Variants in SOX13 observed in about 807,000 individuals in gnomAD.
SOX13 encodes transcription factor SOX-13.
A neutral mutation model predicts 71.8 loss-of-function variants in SOX13; 28 were observed. That is an observed-to-expected ratio of 0.39 (90% CI 0.29 to 0.53). SOX13 has a LOEUF of 0.53. Among genes scored for constraint, SOX13 ranks in the 20% least tolerant of loss-of-function variants. The pLI is 0.70. For missense variants in SOX13, 627 were observed against 810.3 expected, an observed-to-expected ratio of 0.77 and a Z score of 2.75; for synonymous variants, 309 against 317.8, an observed-to-expected ratio of 0.97 and a Z score of 0.29.
At position 204,081,571 on chromosome 1, in the gene SOX13, TG is replaced by T. The variant is rs1353780218; in HGVS notation, c.-2+7861del. Among the ~76,000 whole-genome samples the T allele has an allele frequency of 4.6e-5, 7 of 152,184 alleles. No individual in the cohort carries two copies. The highest frequency in any genetic ancestry group is 1.0e-4 in the Non-Finnish European group (7 of 68,038). ...GTTGCCTGGGACTCATGGGGCCTCC[TG>T]CTTTGGCCCTGGCGCCTAGGAAAGG... On this transcript the variant is annotated intron_variant, in intron 1 of 13. Transcript: ENST00000367204. This position sits in a 1 kb window ranked among gnomAD's most constrained non-coding sequence, Gnocchi z 4.3.
Position 204,073,383 on chromosome 1 carries a change from C to CA in SOX13, c.-330_-329insA, listed in dbSNP as rs565540540. 4.0e-4 allele frequency: 61 copies of CA among 152,458 alleles called. No homozygotes were observed. The East Asian group carries it at 0.012, about 29-fold the overall frequency. The allele number at this position is 152,458 out of a possible 1,614,324, so 9.4% of individuals were successfully genotyped here. A position where few individuals can be genotyped will look rare whatever the true frequency, so the allele number is the denominator to read the frequency against. On this transcript the variant is annotated 5_prime_UTR_variant, in exon 1 of 14. Coordinates refer to ENST00000367204, the MANE Select transcript of SOX13 (RefSeq NM_005686.3). This position sits in a 1 kb window ranked among gnomAD's most constrained non-coding sequence, Gnocchi z 6.8. ...AGCAGGACCGCGGAAGGCAGGGAGA[C>CA]GGCCGCAAGCCCAGGGCAGAGGGCA...
chr1:204,081,733 A>T lies in SOX13; in HGVS notation c.-2+8022A>T, dbSNP rs571367483. ...AGGAGGGTTTTCTGTCTTAGCCCTCAGCCTGTGTGGGGTATGAGGTCCCCC... is the reference window on the plus strand; with the variant it reads ...AGGAGGGTTTTCTGTCTTAGCCCTCTGCCTGTGTGGGGTATGAGGTCCCCC... On this transcript the variant is annotated intron_variant, in intron 1 of 13. Coordinates refer to ENST00000367204, the MANE Select transcript of SOX13 (RefSeq NM_005686.3). The surrounding 1 kb of genome is among the most constrained non-coding windows in gnomAD (Gnocchi z 4.3). Among the ~76,000 whole-genome samples the T allele has an allele frequency of 1.3e-5, 2 of 152,292 alleles. No homozygotes were observed. Among genetic ancestry groups the T allele is most frequent in the African/African-American group, 4.8e-5 (2 of 41,560 alleles).
intron 7 of SOX13, chr1:204,119,964 C>G (rs1045498889): frequency 4.6e-5 from 7 of 152,188 alleles, no homozygotes; most frequent in African/African-American, 1.7e-4. Context: ...TGTGTCTGTA[C>G]CACTGCACAC....
chr1:204,123,027 C>T lies in SOX13; in HGVS notation c.1134+64C>T. 6.7e-7 allele frequency: 1 copy of T among 1,498,422 alleles called. No homozygotes were observed. The highest frequency in any genetic ancestry group is 9.3e-7 in the Non-Finnish European group (1 of 1,080,054). The allele number at this position is 1,498,422 out of a possible 1,614,324, so 92.8% of individuals were successfully genotyped here. On this transcript the variant is annotated intron_variant, in intron 10 of 13. Transcript: ENST00000367204. This position sits in a 1 kb window ranked among gnomAD's most constrained non-coding sequence, Gnocchi z 5.0. ...AGATGGTGGCCAGGAGTGGAAGACA[C>T]AGTCTGAGGCCACCAAGAGAGGAGC...
chr1:204,109,793 G>A (rs931598411), intron 1 of SOX13, among the ~76,000 whole-genome samples: 5 of 151,964 alleles, frequency 3.3e-5, no homozygotes, highest in African/African-American at 9.7e-5. Flanking sequence ...ACATCCTCCC[G>A]TATACCTTGT....
At chr1:204,080,047 G>C (rs144894040) in intron 1 of SOX13, among the ~76,000 whole-genome samples, 51 of 152,214 alleles carry the variant, frequency 3.4e-4, no homozygotes, top group Non-Finnish European at 6.9e-4. Flanking sequence ...GGTGTTTTTT[G>C]GGGGAGCGGA....
At chr1:204,090,408 CTTTTT>C (rs67694415) in intron 1 of SOX13, among the ~76,000 whole-genome samples, 5 of 118,554 alleles carry the variant, frequency 4.2e-5, no homozygotes, top group African/African-American at 3.2e-5. Context: ...TCTTCTTCTT[CTTTTT>C]TTTTTTTTTT....
chr1:204,082,087 A>T (rs1030294920), intron 1 of SOX13, among the ~76,000 whole-genome samples: 1 of 104,626 alleles, frequency 9.6e-6, no homozygotes, highest in African/African-American at 3.9e-5. Context: ...TGTGGGGGGG[A>T]GGGAAGCTGA....
In SOX13 at chr1:204,123,798, A is replaced by G. The variant is rs767627812; in HGVS notation, c.1369A>G (p.Ile457Val). 4.1e-5 allele frequency: 66 copies of G among 1,613,992 alleles called. No individual in the cohort carries two copies. Among genetic ancestry groups the G allele is most frequent in the Non-Finnish European group, 5.4e-5 (64 of 1,180,008 alleles). The stretch of plus-strand genomic sequence containing the variant: ...CATGCACAACTCCAGCATCAGCAAG[A>G]TCCTTGGTAAGGGCCAGTGGCTGGG... ...PDMHNSSISK[I>V]LGSRWKSMTN... The change falls in exon 12 of 14, where the codon ATC (isoleucine) becomes GTC (valine). Residue 457 changes from isoleucine to valine, a missense_variant. By Grantham distance (29) the Ile-to-Val change is conservative. Transcript: ENST00000367204. The surrounding 1 kb of genome is among the most constrained non-coding windows in gnomAD (Gnocchi z 5.0).
intron 1 of SOX13, among the ~76,000 whole-genome samples, chr1:204,095,108 G>A (rs1217672007): frequency 3.3e-5 from 5 of 152,150 alleles, no homozygotes; most frequent in South Asian, 2.1e-4. Context: ...CTCCTTCCAC[G>A]GCCCTGAGCC....
At chr1:204,079,890 C>T (rs893229141) in intron 1 of SOX13, among the ~76,000 whole-genome samples, 1 of 124,820 alleles carries the variant, frequency 8.0e-6, no homozygotes, top group Non-Finnish European at 1.9e-5. Context: ...TCCCCTGCCT[C>T]CTCCTAAGGT....
chr1:204,096,607 G>A (rs1398892513), intron 1 of SOX13, among the ~76,000 whole-genome samples: 1 of 151,564 alleles, frequency 6.6e-6, no homozygotes, highest in Non-Finnish European at 1.5e-5. Flanking sequence ...AGTAGAGATG[G>A]GGTTTCACCA....
At chr1:204,111,543 C>T (rs1656579406) in intron 1 of SOX13, among the ~76,000 whole-genome samples, 1 of 152,232 alleles carries the variant, frequency 6.6e-6, no homozygotes, top group African/African-American at 2.4e-5. Flanking sequence ...AGGAAAGGAA[C>T]AGCAGGTGCA....
At chr1:204,091,180 C>T (rs889071509) in intron 1 of SOX13, among the ~76,000 whole-genome samples, 2 of 152,190 alleles carry the variant, frequency 1.3e-5, no homozygotes, top group African/African-American at 4.8e-5. Context: ...ACTGAGACAA[C>T]TTTCCCTTCC....
intron 1 of SOX13, among the ~76,000 whole-genome samples, chr1:204,107,166 C>G (rs1041892553): frequency 1.3e-5 from 2 of 152,204 alleles, no homozygotes; most frequent in African/African-American, 4.8e-5. Context: ...ATCTGATCTT[C>G]ATGGACACCA....
chr1:204,083,460 C>G (rs1010454365), intron 1 of SOX13, among the ~76,000 whole-genome samples: 6 of 152,186 alleles, frequency 3.9e-5, no homozygotes, highest in African/African-American at 1.4e-4. Context: ...CTGCCTTCCT[C>G]TCTCTATCTC....
At chr1:204,087,797 G>A (rs1656055988) in intron 1 of SOX13, among the ~76,000 whole-genome samples, 1 of 152,220 alleles carries the variant, frequency 6.6e-6, no homozygotes, top group African/African-American at 2.4e-5. Context: ...CCCCGCACAG[G>A]ATGCTTCTGT....
intron 5 of SOX13, 93 bp from the exon 6 acceptor site, chr1:204,117,029 C>A: frequency 7.9e-7 from 1 of 1,271,502 alleles, no homozygotes; most frequent in Non-Finnish European, 1.1e-6. Flanking sequence ...TGGCTTGCCC[C>A]ACTGTAGAAA....
At chr1:204,113,578 C>T (rs1375318212) in intron 2 of SOX13, among the ~76,000 whole-genome samples, 3 of 152,122 alleles carry the variant, frequency 2.0e-5, no homozygotes, top group Admixed American at 6.5e-5. Flanking sequence ...AATTGAGCTG[C>T]ATGATTCATA....
Sources: allele counts gnomAD v4.1 joint callset (sites outside exome capture counted in the v4.1 genomes callset), GRCh38; gene constraint gnomAD v4.1.1; non-coding constraint Gnocchi (gnomAD v3.1); transcripts MANE v1.5; gene names NCBI Gene and HGNC (gene_info 2026-07-23, HGNC 2026-07-21).